ANKRD44: variants seen among roughly 807,000 people sequenced by gnomAD.
ANKRD44 encodes the protein ankyrin repeat domain 44, also known as serine/threonine-protein phosphatase 6 regulatory ankyrin repeat subunit B.
ANKRD44 carries 35 observed loss-of-function variants against 116.0 expected under a neutral mutation model. The observed-to-expected ratio is 0.30, with a 90% confidence interval of 0.23 to 0.40. The LOEUF (loss-of-function observed/expected upper bound fraction) is 0.40, where lower values mean the gene tolerates loss of function less well. Among genes scored for constraint, ANKRD44 ranks in the 10% least tolerant of loss-of-function variants. ANKRD44 has a pLI of 1.00. For missense variants in ANKRD44, 1,014 were observed against 1,242.6 expected (o/e 0.82, Z 2.77); for synonymous variants, 435 against 461.8 (o/e 0.94, Z 0.74).
At chr2:197,199,174 T>C (rs893322460) in intron 1 of ANKRD44, 26 of 152,080 alleles carry the variant, frequency 1.7e-4, no homozygotes, top group Admixed American at 1.4e-3. Context: ...ACAGTTTAGG[T>C]TTTGGTAAGA....
intron 1 of ANKRD44, among the ~76,000 whole-genome samples, chr2:197,239,143 G>C (rs1275408114): frequency 6.6e-6 from 1 of 152,182 alleles, no homozygotes; most frequent in Admixed American, 6.5e-5. Flanking sequence ...GAAAGAATGG[G>C]ATAAACAAGG....
chr2:196,973,939 A>T (rs995141475), intron 21 of ANKRD44, among the ~76,000 whole-genome samples: 14 of 152,178 alleles, frequency 9.2e-5, no homozygotes, highest in Non-Finnish European at 1.5e-5. Flanking sequence ...TCTTAAGTTG[A>T]CATTGAAATA....
intron 16 of ANKRD44, among the ~76,000 whole-genome samples, chr2:197,060,208 G>A (rs2077281352): frequency 6.6e-6 from 1 of 152,144 alleles, no homozygotes; most frequent in Admixed American, 6.5e-5. Flanking sequence ...CACTGAGATA[G>A]TAAGCTCCCA....
intron 10 of ANKRD44, among the ~76,000 whole-genome samples, chr2:197,095,494 G>A (rs2078140362): frequency 6.6e-6 from 1 of 152,130 alleles, no homozygotes; most frequent in Non-Finnish European, 1.5e-5. Context: ...CTCCATTCTT[G>A]CAGTGTATAT....
At chr2:197,273,971 AAAAAAAAAAATATATATATAT>A (rs1227438512) in intron 1 of ANKRD44, among the ~76,000 whole-genome samples, 1 of 76,338 alleles carries the variant, frequency 1.3e-5, no homozygotes, top group Admixed American at 1.5e-4. Context: ...AAAAAAAAAA[AAAAAAAAAAATATATATATAT>A]ATATATATAT....
intron 17 of ANKRD44, among the ~76,000 whole-genome samples, chr2:197,023,954 T>C (rs1241284991): frequency 6.6e-6 from 1 of 152,188 alleles, no homozygotes; most frequent in Non-Finnish European, 1.5e-5. Context: ...AATGCATGTG[T>C]GTATGAGCGT....
At chr2:197,247,928 G>C (rs913910362) in intron 1 of ANKRD44, among the ~76,000 whole-genome samples, 2 of 152,126 alleles carry the variant, frequency 1.3e-5, no homozygotes, top group Admixed American at 6.5e-5. Context: ...AGGGCTCCCC[G>C]TTGGACTTAA....
At chr2:197,081,848 C>T in intron 14 of ANKRD44, 123 bp from the exon 15 acceptor site, 1 of 710,376 alleles carries the variant, frequency 1.4e-6, no homozygotes, top group Non-Finnish European at 2.4e-6. Context: ...AAGTAAGCAC[C>T]ACTGATTTTC....
intron 1 of ANKRD44, among the ~76,000 whole-genome samples, chr2:197,251,250 C>T (rs2082310462): frequency 6.6e-6 from 1 of 152,136 alleles, no homozygotes; most frequent in African/African-American, 2.4e-5. Flanking sequence ...AGCTTAAAAA[C>T]ATTCCATATT....
At chr2:197,041,897 G>T (rs2076918305) in intron 16 of ANKRD44, among the ~76,000 whole-genome samples, 1 of 151,972 alleles carries the variant, frequency 6.6e-6, no homozygotes. Context: ...AGCTAAACAT[G>T]ATAATTCAAA....
chr2:197,275,978 T>C (rs2083070076), intron 1 of ANKRD44, among the ~76,000 whole-genome samples: 4 of 152,204 alleles, frequency 2.6e-5, no homozygotes, highest in Admixed American at 2.6e-4. Flanking sequence ...TAATGTATTT[T>C]GTTCAGAACT....
At chr2:197,186,224 GA>G (rs907230061) in intron 2 of ANKRD44, among the ~76,000 whole-genome samples, 3 of 151,794 alleles carry the variant, frequency 2.0e-5, no homozygotes, top group African/African-American at 7.3e-5. Context: ...CATCACCTTG[GA>G]AAAAAAATTG....
chr2:197,226,373 AAG>A (rs2081713259), intron 1 of ANKRD44, among the ~76,000 whole-genome samples: 1 of 152,098 alleles, frequency 6.6e-6, no homozygotes, highest in African/African-American at 2.4e-5. Flanking sequence ...AATATTTCTT[AAG>A]AGTTTCCCGA....
intron 2 of ANKRD44, among the ~76,000 whole-genome samples, chr2:197,168,041 T>C (rs1304398759): frequency 6.6e-6 from 1 of 152,216 alleles, no homozygotes; most frequent in African/African-American, 2.4e-5. Flanking sequence ...TCAACAACCT[T>C]GTGGCTGCCT....
chr2:197,161,792 A>G (rs1337955995), intron 2 of ANKRD44, among the ~76,000 whole-genome samples: 2 of 152,220 alleles, frequency 1.3e-5, no homozygotes, highest in Non-Finnish European at 2.9e-5. Context: ...TTATAAAATA[A>G]TGACTAGAGG....
chr2:197,064,918 T>A (rs1230572500), intron 16 of ANKRD44, among the ~76,000 whole-genome samples: 1 of 151,974 alleles, frequency 6.6e-6, no homozygotes, highest in Non-Finnish European at 1.5e-5. Flanking sequence ...AAAAAGGATA[T>A]CCAGGAATTG....
chr2:197,056,118 C>T (rs560114613), intron 16 of ANKRD44, among the ~76,000 whole-genome samples: 1 of 152,312 alleles, frequency 6.6e-6, no homozygotes, highest in Admixed American at 6.5e-5. Context: ...ATTGATACTC[C>T]TGCCTCAGCC....
intron 21 of ANKRD44, among the ~76,000 whole-genome samples, chr2:196,979,652 C>A (rs937834590): frequency 2.0e-5 from 3 of 147,372 alleles, no homozygotes; most frequent in Non-Finnish European, 3.0e-5. Context: ...CAAACTCTGC[C>A]TCCCAATTCA....
At chr2:197,147,173 G>GT in intron 2 of ANKRD44, 68 bp from the exon 3 acceptor site, 1 of 1,310,804 alleles carries the variant, frequency 7.6e-7, no homozygotes, top group South Asian at 1.2e-5. Context: ...TGTAGACATA[G>GT]TAAGACGTGT....
Sources: allele counts gnomAD v4.1 joint callset (sites outside exome capture counted in the v4.1 genomes callset), GRCh38; gene constraint gnomAD v4.1.1; transcripts MANE v1.5; gene names NCBI Gene and HGNC (gene_info 2026-07-23, HGNC 2026-07-21).